Variants in RBFOX1 observed in about 807,000 individuals in gnomAD.
The protein encoded by RBFOX1 is RNA binding protein fox-1 homolog 1.
Under a neutral mutation model 57.7 loss-of-function variants are expected in RBFOX1, and 8 were observed. That is an observed-to-expected ratio of 0.14 (90% confidence interval 0.08 to 0.25). The LOEUF is 0.25. Ranked by LOEUF, RBFOX1 falls within the 10% of genes least tolerant of loss-of-function variation. The pLI, the probability that RBFOX1 is intolerant of heterozygous loss-of-function variation, is 1.00. For missense variants in RBFOX1, 611 were observed against 548.5 expected, an observed-to-expected ratio of 1.11 and a Z score of -1.14; for synonymous variants, 326 against 222.4, an observed-to-expected ratio of 1.47 and a Z score of -4.15.
intron 1 of RBFOX1, among the ~76,000 whole-genome samples, chr16:5,286,387 G>C (rs1279839483): frequency 6.6e-6 from 1 of 152,180 alleles, no homozygotes; most frequent in Non-Finnish European, 1.5e-5. Context: ...TGGTGGGTAA[G>C]CTGGCGTTTC....
At chr16:7,150,698 A>C (rs2075943694) in intron 4 of RBFOX1, among the ~76,000 whole-genome samples, 1 of 152,224 alleles carries the variant, frequency 6.6e-6, no homozygotes. Context: ...AGATAAGTCA[A>C]AGATTGTTTG....
At chr16:6,764,572 C>G (rs1218719722) in intron 3 of RBFOX1, among the ~76,000 whole-genome samples, 2 of 152,146 alleles carry the variant, frequency 1.3e-5, no homozygotes, top group East Asian at 3.9e-4. Flanking sequence ...CCCCATGGGA[C>G]TTACATTCTA....
chr16:5,524,809 G>C (rs1017858428), intron 2 of RBFOX1, among the ~76,000 whole-genome samples: 2 of 152,078 alleles, frequency 1.3e-5, no homozygotes, highest in Non-Finnish European at 2.9e-5. Flanking sequence ...CCGAAGTGCT[G>C]GGATTACAGG....
At chr16:7,689,628 G>T (rs1174809882) in intron 14 of RBFOX1, among the ~76,000 whole-genome samples, 2 of 152,080 alleles carry the variant, frequency 1.3e-5, no homozygotes. Flanking sequence ...AGGGAAGTTG[G>T]AGAAATTTTG....
intron 4 of RBFOX1, among the ~76,000 whole-genome samples, chr16:7,272,759 G>C (rs4538031): frequency 0.37 from 55,605 of 151,900 alleles, 11,348 homozygotes; most frequent in African/African-American, 0.54. Context: ...TGAAACCTCT[G>C]AGGAGCATTC....
At position 7,477,401 on chromosome 16, in the gene RBFOX1, C is replaced by A. The variant is rs186699140; in HGVS notation, c.28-40746C>A. ...TGGGTCTATGAAAAGAGGGTTTACC[C>A]GTGGGGGGTCGGGGGGTGGTTGTGC... On this transcript the variant is annotated intron_variant, in intron 4 of 15. Coordinates refer to ENST00000550418, the MANE Select transcript of RBFOX1 (RefSeq NM_018723.4). 2.6e-5 allele frequency among the ~76,000 whole-genome samples: 4 copies of A among 152,198 alleles called. No homozygotes were observed. The East Asian group carries it at 7.7e-4, about 29-fold the overall frequency.
At chr16:5,261,356 A>C (rs909043655) in intron 1 of RBFOX1, among the ~76,000 whole-genome samples, 5 of 151,980 alleles carry the variant, frequency 3.3e-5, no homozygotes, top group African/African-American at 1.2e-4. Context: ...TTGGCTGACT[A>C]AATTTTATTA....
intron 1 of RBFOX1, among the ~76,000 whole-genome samples, chr16:5,296,181 G>A (rs997812775): frequency 9.9e-5 from 15 of 152,188 alleles, no homozygotes; most frequent in African/African-American, 3.6e-4. Context: ...TGACTTGTCT[G>A]AAGCATGCAC....
At chr16:6,155,304 G>A (rs2096830704) in intron 1 of RBFOX1, among the ~76,000 whole-genome samples, 1 of 152,186 alleles carries the variant, frequency 6.6e-6, no homozygotes, top group South Asian at 2.1e-4. Flanking sequence ...AGACAACAGG[G>A]CAATTCAGTG....
chr16:6,821,180 G>C (rs1443422894), intron 3 of RBFOX1, among the ~76,000 whole-genome samples: 1 of 152,148 alleles, frequency 6.6e-6, no homozygotes, highest in Non-Finnish European at 1.5e-5. Flanking sequence ...TTGCTGGAAG[G>C]CACTCCTGGA....
intron 3 of RBFOX1, among the ~76,000 whole-genome samples, chr16:7,033,442 C>A (rs11648897): frequency 4.3e-4 from 65 of 152,186 alleles, no homozygotes; most frequent in Non-Finnish European, 7.6e-4. Flanking sequence ...TTCGCTTGAT[C>A]CCGGGAGGCG....
chr16:6,546,987 T>G (rs1288423430), intron 2 of RBFOX1, among the ~76,000 whole-genome samples: 2 of 152,206 alleles, frequency 1.3e-5, no homozygotes, highest in Non-Finnish European at 2.9e-5. Context: ...GCTCTTTTTC[T>G]TGACTCAAAG....
chr16:6,154,421 A>T (rs1350665876), intron 1 of RBFOX1, among the ~76,000 whole-genome samples: 4 of 152,250 alleles, frequency 2.6e-5, no homozygotes, highest in Admixed American at 1.3e-4. Flanking sequence ...ACTGTAAAAT[A>T]ACTATGACGT....
At chr16:6,907,497 G>A (rs975761196) in intron 3 of RBFOX1, among the ~76,000 whole-genome samples, 1 of 152,154 alleles carries the variant, frequency 6.6e-6, no homozygotes, top group South Asian at 2.1e-4. Context: ...TGCCAGCAGG[G>A]GTGGTTCCTT....
At chr16:6,456,255 T>C (rs530415710) in intron 2 of RBFOX1, among the ~76,000 whole-genome samples, 1 of 152,198 alleles carries the variant, frequency 6.6e-6, no homozygotes, top group East Asian at 1.9e-4. Flanking sequence ...GAAAAGAACA[T>C]GGATTAGTGT....
At chr16:5,418,295 G>C (rs2067214282) in intron 1 of RBFOX1, among the ~76,000 whole-genome samples, 3 of 151,890 alleles carry the variant, frequency 2.0e-5, no homozygotes, top group Non-Finnish European at 2.9e-5. Context: ...TGGGGATAGA[G>C]TAGGCAGCCT....
At chr16:7,030,578 C>T (rs141111533) in intron 3 of RBFOX1, among the ~76,000 whole-genome samples, 69 of 152,284 alleles carry the variant, frequency 4.5e-4, no homozygotes, top group Non-Finnish European at 7.4e-4. Context: ...GTCTTTGTTT[C>T]TCTGTGTGTT....
At chr16:6,576,414 C>G (rs2097437197) in intron 2 of RBFOX1, among the ~76,000 whole-genome samples, 1 of 152,176 alleles carries the variant, frequency 6.6e-6, no homozygotes, top group African/African-American at 2.4e-5. Flanking sequence ...ACATAGTGGA[C>G]CCAGTTGGGA....
intron 3 of RBFOX1, among the ~76,000 whole-genome samples, chr16:6,725,042 C>CTTTTTTT (rs1186629170): frequency 1.4e-4 from 7 of 49,814 alleles, no homozygotes; most frequent in Non-Finnish European, 2.9e-4. Context: ...TTTTGGCTAG[C>CTTTTTTT]TTTTTTTTTT....
Sources: allele counts gnomAD v4.1 joint callset (sites outside exome capture counted in the v4.1 genomes callset), GRCh38; gene constraint gnomAD v4.1.1; transcripts MANE v1.5; gene names NCBI Gene and HGNC (gene_info 2026-07-23, HGNC 2026-07-21).